Variants in FER1L5 observed in about 807,000 individuals in gnomAD.
The protein encoded by FER1L5 is fer-1 like family member 5.
Under a neutral mutation model 279.9 loss-of-function variants are expected in FER1L5, and 187 were observed. The observed-to-expected ratio is 0.67, with a 90% CI of 0.59 to 0.75. The LOEUF is 0.75. FER1L5 is among the 30% of genes least tolerant of loss of function. The pLI is 0.00. For synonymous variants in FER1L5, 921 were observed against 989.7 expected, an observed-to-expected ratio of 0.93 and a Z score of 1.30; for missense variants, 2,091 against 2,594.4, an observed-to-expected ratio of 0.81 and a Z score of 4.21.
Position 96,691,307 on chromosome 2 carries a change from A to C in FER1L5, c.2861A>C (p.His954Pro). 6.4e-7 allele frequency: 1 copy of C among 1,550,554 alleles called. No individual in the cohort carries two copies. The highest frequency in any genetic ancestry group is 8.7e-7 in the Non-Finnish European group (1 of 1,146,816). Reference protein sequence around the residue: ...RRWARVRFRNHGELSHEQETL... With the variant: ...RRWARVRFRNPGELSHEQETL... The stretch of plus-strand genomic sequence containing the variant: ...TGGGCGCGTGTGCGCTTCAGGAACC[A>C]TGGGGAGCTGAGCCACGAGCAGGAG... Residue 954 changes from histidine (H) to proline (P), a missense_variant, in exon 28 of 53, where the codon CAT becomes CCT. Transcript: ENST00000624922. This position sits in a 1 kb window ranked among gnomAD's most constrained non-coding sequence, Gnocchi z 6.0.
At position 96,689,067 on chromosome 2, in the gene FER1L5, T is replaced by C; in HGVS notation, c.2362-146T>C. 2 of 949,048 alleles carry C rather than the reference T, an allele frequency of 2.1e-6. No homozygotes were observed. The highest frequency in any genetic ancestry group is 3.1e-6 in the Non-Finnish European group (2 of 646,996). The allele number at this position is 949,048 out of a possible 1,614,324, so 58.8% of individuals were successfully genotyped here. On this transcript the variant is annotated intron_variant, in intron 24 of 52. Coordinates refer to ENST00000624922, the MANE Select transcript of FER1L5 (RefSeq NM_001293083.2). The surrounding 1 kb of genome is among the most constrained non-coding windows in gnomAD (Gnocchi z 4.6). ...CTCTGGGCCTCAGTGCCCTCACCTG[T>C]GCAATGGGGACATGGCCCTTTCTTG...
intron 18 of FER1L5, among the ~76,000 whole-genome samples, chr2:96,670,812 T>A (rs2076293973): frequency 6.7e-6 from 1 of 149,824 alleles, no homozygotes; most frequent in African/African-American, 2.5e-5. Flanking sequence ...AAAAATAAAA[T>A]GCCTAATCTG....
At chr2:96,644,377 G>A (rs1270924973) in intron 1 of FER1L5, among the ~76,000 whole-genome samples, 1 of 152,040 alleles carries the variant, frequency 6.6e-6, no homozygotes, top group Non-Finnish European at 1.5e-5. Context: ...CCAGCTACTT[G>A]GGAGGCTGTC....
At position 96,699,557 on chromosome 2, in the gene FER1L5, G is replaced by T; in HGVS notation, c.4618G>T (p.Glu1540Ter). The change falls in exon 43 of 53, where the codon GAA (glutamate) becomes TAA (stop). Residue 1540 changes from glutamate to a stop codon, truncating the protein, a stop_gained. Coordinates refer to ENST00000624922, the MANE Select transcript of FER1L5 (RefSeq NM_001293083.2). LOFTEE classifies it high-confidence loss of function. ...TLDPIFGMMFELTCNIPLEKD... is the reference protein window; with the variant it reads ...TLDPIFGMMF The stretch of plus-strand genomic sequence containing the variant: ...CCAACACCTCACCCCTAGGATGTTT[G>T]AACTCACCTGCAACATACCCCTGGA... 1 of 1,613,534 alleles carries T rather than the reference G, an allele frequency of 6.2e-7. No homozygotes were observed. Among genetic ancestry groups the T allele is most frequent in the Non-Finnish European group, 8.5e-7 (1 of 1,179,682 alleles).
rs772904149 is a variant in FER1L5 at position 96,703,136 on chromosome 2, C to T, written c.5498-17C>T. On this transcript the variant is annotated splice_polypyrimidine_tract_variant and intron_variant, in intron 49 of 52. Coordinates refer to ENST00000624922, the MANE Select transcript of FER1L5 (RefSeq NM_001293083.2). ...ACAGGGAGCTCCTTCTTGCTGATGT[C>T]ATTTTTCTGGGCTCAGGGGTCCTGG... 13 of 1,612,576 alleles carry T rather than the reference C, an allele frequency of 8.1e-6. No individual in the cohort carries two copies. Among genetic ancestry groups the T allele is most frequent in the Non-Finnish European group, 1.1e-5 (13 of 1,178,912 alleles).
Position 96,689,505 on chromosome 2 carries a change from A to C in FER1L5, c.2525+129A>C. On this transcript the variant is annotated intron_variant, in intron 25 of 52. Coordinates refer to ENST00000624922, the MANE Select transcript of FER1L5 (RefSeq NM_001293083.2). This position sits in a 1 kb window ranked among gnomAD's most constrained non-coding sequence, Gnocchi z 4.6. ...CAGAGGGCCGAGGTGCACCAGGCCA[A>C]GGGCCCTGCCCACCACCCTGTCCTG... The C allele has an allele frequency of 6.8e-7, 1 of 1,461,102 alleles. No individual in the cohort carries two copies. Among genetic ancestry groups the C allele is most frequent in the Non-Finnish European group, 9.3e-7 (1 of 1,074,036 alleles). The allele number at this position is 1,461,102 out of a possible 1,614,324, so 90.5% of individuals were successfully genotyped here.
intron 18 of FER1L5, among the ~76,000 whole-genome samples, chr2:96,671,221 C>T (rs893576923): frequency 6.6e-6 from 1 of 151,312 alleles, no homozygotes; most frequent in Non-Finnish European, 1.5e-5. Context: ...TGGGTTTCTT[C>T]CTGAAGCCAG....
At position 96,695,367 on chromosome 2, in the gene FER1L5, A is replaced by G. The variant is rs1041806751; in HGVS notation, c.3742-142A>G. 3 of 1,113,000 alleles carry G rather than the reference A, an allele frequency of 2.7e-6. No individual in the cohort carries two copies. The African/African-American group carries it at 4.8e-5, about 18-fold the overall frequency. 68.9% of individuals were successfully genotyped at this position (1,113,000 alleles called of 1,614,324 possible). A position where few individuals can be genotyped will look rare whatever the true frequency, so the allele number is the denominator to read the frequency against. ...AGCCTGTCCTTGTGCGCCTTCAGAC[A>G]CTGGCTCCTCTGCAGCCCCATTCCC... On this transcript the variant is annotated intron_variant, in intron 34 of 52. Coordinates refer to ENST00000624922, the MANE Select transcript of FER1L5 (RefSeq NM_001293083.2).
At chr2:96,652,209 AGCTGGTGG>A (rs2075411016) in intron 7 of FER1L5, 189 bp downstream of exon 7, 3 of 775,780 alleles carry the variant, frequency 3.9e-6, no homozygotes, top group Admixed American at 2.9e-5. Flanking sequence ...GTATCTGAGG[AGCTGGTGG>A]GCTGGTGGGG....
chr2:96,685,656 C>A (rs546149633), intron 21 of FER1L5, among the ~76,000 whole-genome samples: 1 of 152,348 alleles, frequency 6.6e-6, no homozygotes, highest in South Asian at 2.1e-4. Flanking sequence ...ACACCCGAGG[C>A]TCCTCTTAAG....
chr2:96,674,466 C>A (rs926931844), intron 19 of FER1L5, among the ~76,000 whole-genome samples: 1 of 152,162 alleles, frequency 6.6e-6, no homozygotes, highest in African/African-American at 2.4e-5. Context: ...TCAGGTGATC[C>A]ACCCATCTCG....
chr2:96,663,239 G>A (rs184476469), intron 13 of FER1L5, among the ~76,000 whole-genome samples, 200 bp from the exon 14 acceptor site: 36 of 152,268 alleles, frequency 2.4e-4, no homozygotes, highest in Admixed American at 8.5e-4. Context: ...TCTGAATCTG[G>A]CAAACACCTC....
rs1215723094 is a variant in FER1L5 at position 96,699,123 on chromosome 2, C to T, written c.4597C>T (p.Pro1533Ser). Reference sequence around the variant, plus strand: ...CATGTACCAGCCCAACACTCTGGATCCCATCTTTGGCATGTGAGCTGCCCC... The same window carrying T: ...CATGTACCAGCCCAACACTCTGGATTCCATCTTTGGCATGTGAGCTGCCCC... ...RDMYQPNTLD[P>S]IFGMMFELTC... Residue 1533 changes from proline (P) to serine (S), a missense_variant, in exon 42 of 53, where the codon CCC becomes TCC. By Grantham distance (74) the Pro-to-Ser change is moderately conservative (BLOSUM62 -1). Transcript: ENST00000624922. 1 of 1,609,368 alleles carries T rather than the reference C, an allele frequency of 6.2e-7. No individual in the cohort carries two copies. The highest frequency in any genetic ancestry group is 8.5e-7 in the Non-Finnish European group (1 of 1,177,964).
chr2:96,695,681 G>A lies in FER1L5; in HGVS notation c.3894+20G>A, dbSNP rs371401968. 4.4e-6 allele frequency: 7 copies of A among 1,605,448 alleles called. No individual in the cohort carries two copies. In the African/African-American group the frequency reaches 5.4e-5, roughly 12 times the overall value. On this transcript the variant is annotated intron_variant, in intron 35 of 52. Coordinates refer to ENST00000624922, the MANE Select transcript of FER1L5 (RefSeq NM_001293083.2). Reference sequence around the variant, plus strand: ...ACAGTGGTAAGAGGCCCCAGGGCAGGGGCTGGGCAGCCCTCTTCTTCTGTG... The same window carrying A: ...ACAGTGGTAAGAGGCCCCAGGGCAGAGGCTGGGCAGCCCTCTTCTTCTGTG...
Position 96,699,688 on chromosome 2 carries a change from A to G in FER1L5, c.4749A>G (p.Gly1583=). Residue 1583 remains glycine, a synonymous_variant, in exon 43 of 53, where the codon GGA becomes GGG. Coordinates refer to ENST00000624922, the MANE Select transcript of FER1L5 (RefSeq NM_001293083.2). ...AAAACCGACTCCTATCTGGCTTTGG[A>G]GCTCATTGTGGGCTCTCCAAATCCT... is the stretch of plus-strand genomic sequence containing the variant. ...DLENRLLSGF[G]AHCGLSKSYC... 6.2e-7 allele frequency: 1 copy of G among 1,613,932 alleles called. No individual in the cohort carries two copies. Among genetic ancestry groups the G allele is most frequent in the Non-Finnish European group, 8.5e-7 (1 of 1,179,884 alleles).
Position 96,702,539 on chromosome 2 carries a change from G to A in FER1L5, c.5256-61G>A. The A allele has an allele frequency of 6.4e-7, 1 of 1,551,322 alleles. No homozygotes were observed. Among genetic ancestry groups the A allele is most frequent in the Admixed American group, 2.0e-5 (1 of 51,056 alleles). On this transcript the variant is annotated intron_variant, in intron 47 of 52. Coordinates refer to ENST00000624922, the MANE Select transcript of FER1L5 (RefSeq NM_001293083.2). The surrounding 1 kb of genome is among the most constrained non-coding windows in gnomAD (Gnocchi z 4.0). ...TCGGCTGGGCAGCCCTTCCCATGGG[G>A]CTCCAGCTGGGGGATGGGGCCAATG...
Position 96,699,044 on chromosome 2 carries a change from G to C in FER1L5, c.4519-1G>C, listed in dbSNP as rs758457331. ...CTTCCCCCACTTGTATCTGACCCCA[G>C]TGTGACCCTTATGTGATCCTGAAAC... On this transcript the variant is annotated splice_acceptor_variant, in intron 41 of 52. Coordinates refer to ENST00000624922, the MANE Select transcript of FER1L5 (RefSeq NM_001293083.2). LOFTEE classifies it high-confidence loss of function. The C allele has an allele frequency of 1.2e-6, 2 of 1,608,100 alleles. No homozygotes were observed. Among genetic ancestry groups the C allele is most frequent in the Non-Finnish European group, 8.5e-7 (1 of 1,177,312 alleles).
Position 96,703,078 on chromosome 2 carries a change from G to A in FER1L5, c.5497+1G>A. On this transcript the variant is annotated splice_donor_variant, in intron 49 of 52. Transcript: ENST00000624922. LOFTEE classifies it high-confidence loss of function. ...ATCTTCTCCCCCGACGACTTCCTAG[G>A]TGAGGTCCTGACACAGGGCTTGTGA... The A allele has an allele frequency of 6.2e-7, 1 of 1,613,750 alleles. No homozygotes were observed. Among genetic ancestry groups the A allele is most frequent in the Non-Finnish European group, 8.5e-7 (1 of 1,179,780 alleles).
rs369136055 is a variant in FER1L5 at position 96,701,299 on chromosome 2, ACT to A, written c.5071-653_5071-652del. On this transcript the variant is annotated intron_variant, in intron 45 of 52. Coordinates refer to ENST00000624922, the MANE Select transcript of FER1L5 (RefSeq NM_001293083.2). ...CACTGCAGCCTGGTGACAGAGGGAA[ACT>A]CTGTTTCAAAAAACAAATAAAAAAC... Among the ~76,000 whole-genome samples the A allele has an allele frequency of 2.2e-3, 342 of 152,230 alleles. 1 individual carries two copies. Among genetic ancestry groups the A allele is most frequent in the African/African-American group, 7.9e-3 (326 of 41,522 alleles).
Sources: allele counts gnomAD v4.1 joint callset (sites outside exome capture counted in the v4.1 genomes callset), GRCh38; gene constraint gnomAD v4.1.1; non-coding constraint Gnocchi (gnomAD v3.1); transcripts MANE v1.5; gene names NCBI Gene and HGNC (gene_info 2026-07-23, HGNC 2026-07-21).